ADORA2B: variants seen among roughly 807,000 people sequenced by gnomAD.
ADORA2B encodes the protein adenosine receptor A2b.
Under a neutral mutation model 20.8 loss-of-function variants are expected in ADORA2B, and 18 were observed. That is an observed-to-expected ratio of 0.87 (90% CI 0.60 to 1.29). The LOEUF (loss-of-function observed/expected upper bound fraction) is 1.29. ADORA2B is among the 50% of genes most tolerant of loss of function. The probability of loss-of-function intolerance (pLI) is 0.00; values close to 1 mark genes in which losing one functional copy is unlikely to be tolerated. For synonymous variants in ADORA2B, 179 were observed against 178.3 expected (o/e 1.00, Z -0.03); for missense variants, 441 against 422.7 (o/e 1.04, Z -0.38).
At chr17:15,905,748 T>G in the ADORA2B span, among the ~76,000 whole-genome samples, 1 of 151,688 alleles carries the variant, frequency 6.6e-6, no homozygotes, top group Non-Finnish European at 1.5e-5. Flanking sequence ...CTCCACCTCC[T>G]GGGTTCAAGC....
chr17:15,947,772 A>T (rs1179804716), intron 1 of ADORA2B, among the ~76,000 whole-genome samples: 1 of 152,206 alleles, frequency 6.6e-6, no homozygotes, highest in Non-Finnish European at 1.5e-5. Flanking sequence ...CCCCTTGGGA[A>T]GAGGTTAAAA....
At chr17:15,920,818 T>C in the ADORA2B span, among the ~76,000 whole-genome samples, 2 of 152,052 alleles carry the variant, frequency 1.3e-5, no homozygotes, top group Non-Finnish European at 2.9e-5. Context: ...CAGGTATTTG[T>C]GACAGGCCTC....
At chr17:15,864,496 A>C in the ADORA2B span, among the ~76,000 whole-genome samples, 2 of 151,542 alleles carry the variant, frequency 1.3e-5, no homozygotes, top group African/African-American at 4.8e-5. Flanking sequence ...GCCCAGGCAC[A>C]AGGGAGGAAG....
Position 15,975,163 on chromosome 17 carries a change from A to G in ADORA2B, c.820A>G (p.Met274Val). ...AAATAAGCCCAAGTGGGCAATGAAT[A>G]TGGCCATTCTTCTGTCACATGCCAA... is the stretch of plus-strand genomic sequence containing the variant. ...GKNKPKWAMN[M>V]AILLSHANSV... Residue 274 changes from methionine to valine, a missense_variant, in exon 2 of 2, where the codon ATG (methionine) becomes GTG (valine). Met to Val is a conservative substitution (Grantham distance 21, BLOSUM62 1). Coordinates refer to ENST00000304222, the MANE Select transcript of ADORA2B (RefSeq NM_000676.4). 6.2e-7 allele frequency: 1 copy of G among 1,614,174 alleles called. No homozygotes were observed. Among genetic ancestry groups the G allele is most frequent in the Non-Finnish European group, 8.5e-7 (1 of 1,180,034 alleles).
intron 1 of ADORA2B, among the ~76,000 whole-genome samples, chr17:15,948,029 A>C (rs1454984469): frequency 2.6e-5 from 4 of 152,142 alleles, no homozygotes; most frequent in African/African-American, 9.7e-5. Flanking sequence ...TAAAGTTGGA[A>C]GTGCCCTGTT....
upstream of ADORA2B, among the ~76,000 whole-genome samples, chr17:15,942,952 C>T (rs1296241033): frequency 6.6e-6 from 1 of 152,150 alleles, no homozygotes; most frequent in African/African-American, 2.4e-5. Context: ...CCCAGGAAGC[C>T]TCCTCTAACC....
the ADORA2B span, among the ~76,000 whole-genome samples, chr17:15,868,369 TA>T: frequency 0.047 from 6,059 of 129,344 alleles, 823 homozygotes; most frequent in African/African-American, 0.15. Flanking sequence ...AATGATCAAT[TA>T]AAAAAAAAAA....
At chr17:15,969,129 C>T (rs921505826) in intron 1 of ADORA2B, among the ~76,000 whole-genome samples, 1 of 152,162 alleles carries the variant, frequency 6.6e-6, no homozygotes, top group African/African-American at 2.4e-5. Flanking sequence ...GCATCCTCCA[C>T]CTCCTCCCAT....
At chr17:15,944,259 T>C (rs565947714), upstream of ADORA2B, among the ~76,000 whole-genome samples, 2 of 152,124 alleles carry the variant, frequency 1.3e-5, no homozygotes, top group African/African-American at 4.8e-5. The surrounding 1 kb of genome is among the most constrained non-coding windows in gnomAD (Gnocchi z 4.8). Context: ...GGGGCACCAG[T>C]CTCTCTCCTG....
chr17:15,952,872 T>G (rs1459439666), intron 1 of ADORA2B, among the ~76,000 whole-genome samples: 1 of 152,242 alleles, frequency 6.6e-6, no homozygotes, highest in Non-Finnish European at 1.5e-5. Context: ...CTCTCCTAAA[T>G]TATTAACTCG....
the ADORA2B span, among the ~76,000 whole-genome samples, chr17:15,856,167 G>A: frequency 1.6e-4 from 24 of 151,908 alleles, no homozygotes; most frequent in Non-Finnish European, 3.1e-4. Flanking sequence ...GAGTGCTCAC[G>A]AGATCTGATG....
the ADORA2B span, among the ~76,000 whole-genome samples, chr17:15,895,006 C>T: frequency 3.3e-5 from 5 of 152,038 alleles, no homozygotes; most frequent in Admixed American, 6.6e-5. Context: ...CAGGGTAAGC[C>T]AGCAGGCTAG....
chr17:15,928,278 T>A, the ADORA2B span, among the ~76,000 whole-genome samples: 1 of 151,080 alleles, frequency 6.6e-6, no homozygotes, highest in African/African-American at 2.4e-5. Context: ...GGAGTTTTGC[T>A]GTAAAGGGGA....
At chr17:15,894,758 G>C in the ADORA2B span, among the ~76,000 whole-genome samples, 5 of 152,194 alleles carry the variant, frequency 3.3e-5, no homozygotes, top group Admixed American at 3.3e-4. Flanking sequence ...TTCTGAGATG[G>C]GGAGGGCATA....
the ADORA2B span, among the ~76,000 whole-genome samples, chr17:15,920,080 CTT>C: frequency 2.0e-5 from 3 of 151,948 alleles, no homozygotes; most frequent in Non-Finnish European, 4.4e-5. Context: ...TTTTTGAAAT[CTT>C]TTATTTTGAA....
chr17:15,862,889 G>T, the ADORA2B span, among the ~76,000 whole-genome samples: 1 of 150,598 alleles, frequency 6.6e-6, no homozygotes, highest in African/African-American at 2.4e-5. Context: ...AGCCTCCTAA[G>T]TAGCTAGTAG....
chr17:15,959,749 T>A (rs1970012982), intron 1 of ADORA2B, among the ~76,000 whole-genome samples: 1 of 152,186 alleles, frequency 6.6e-6, no homozygotes, highest in Non-Finnish European at 1.5e-5. Context: ...GATCCACTCA[T>A]CTTGGCTTCC....
chr17:15,938,056 T>A, the ADORA2B span, among the ~76,000 whole-genome samples: 1 of 152,098 alleles, frequency 6.6e-6, no homozygotes, highest in Non-Finnish European at 1.5e-5. Flanking sequence ...TCAAGACAGT[T>A]TTATCATGCT....
the ADORA2B span, among the ~76,000 whole-genome samples, chr17:15,872,911 A>G: frequency 2.0e-5 from 3 of 152,110 alleles, no homozygotes; most frequent in Admixed American, 2.0e-4. Context: ...CTCTTGCCTA[A>G]TTGCTCTGGC....
Sources: allele counts gnomAD v4.1 joint callset (sites outside exome capture counted in the v4.1 genomes callset), GRCh38; gene constraint gnomAD v4.1.1; non-coding constraint Gnocchi (gnomAD v3.1); transcripts MANE v1.5; gene names NCBI Gene and HGNC (gene_info 2026-07-23, HGNC 2026-07-21).